The following REXO1 variants were observed in gnomAD, a reference collection of about 807,000 sequenced individuals.
The protein encoded by REXO1 is RNA exonuclease 1 homolog.
REXO1 carries 42 observed loss-of-function variants against 102.6 expected under a neutral mutation model. That is an observed-to-expected ratio of 0.41 (90% CI 0.32 to 0.53). The LOEUF is 0.53. Ranked by LOEUF, REXO1 falls within the 20% of genes least tolerant of loss-of-function variation. REXO1 has a pLI of 0.27. For missense variants in REXO1, 1,819 were observed against 1,732.5 expected (o/e 1.05, Z -0.89); for synonymous variants, 908 against 779.1 (o/e 1.17, Z -2.76).
intron 1 of REXO1, among the ~76,000 whole-genome samples, chr19:1,843,576 C>T (rs77413346): frequency 0.024 from 3,676 of 152,280 alleles, 68 homozygotes; most frequent in East Asian, 0.081. Flanking sequence ...GGCAGGCAGG[C>T]GGCCCCGGTG....
At chr19:1,817,011 C>T (rs1211747742) in intron 12 of REXO1, among the ~76,000 whole-genome samples, 198 bp from the exon 13 acceptor site, 1 of 152,190 alleles carries the variant, frequency 6.6e-6, no homozygotes, top group Non-Finnish European at 1.5e-5. Flanking sequence ...CATTCAGAGG[C>T]AGAGCCGGGG....
Position 1,826,038 on chromosome 19 carries a change from A to G in REXO1, c.1912-95T>C. On this transcript the variant is annotated intron_variant, in intron 2 of 15. Transcript: ENST00000170168. This position sits in a 1 kb window ranked among gnomAD's most constrained non-coding sequence, Gnocchi z 4.3. Reference sequence around the variant, plus strand: ...ACTGCCCCCGGCAAGTGGGGAATGGAACAGTCCAGCCCCCAGGCACAGCAG... The same window carrying G: ...ACTGCCCCCGGCAAGTGGGGAATGGGACAGTCCAGCCCCCAGGCACAGCAG... 1 of 858,672 alleles carries G rather than the reference A, an allele frequency of 1.2e-6. No individual in the cohort carries two copies. The highest frequency in any genetic ancestry group is 2.0e-6 in the Non-Finnish European group (1 of 512,246). The allele number at this position is 858,672 out of a possible 1,614,324, so 53.2% of individuals were successfully genotyped here. A position where few individuals can be genotyped will look rare whatever the true frequency, so the allele number is the denominator to read the frequency against.
Position 1,819,914 on chromosome 19 carries a change from GC to G in REXO1, c.2650+19del. 6.6e-7 allele frequency: 1 copy of G among 1,524,486 alleles called. No individual in the cohort carries two copies. Among genetic ancestry groups the G allele is most frequent in the Non-Finnish European group, 8.8e-7 (1 of 1,133,810 alleles). The allele number at this position is 1,524,486 out of a possible 1,614,324, so 94.4% of individuals were successfully genotyped here. A position where few individuals can be genotyped will look rare whatever the true frequency, so the allele number is the denominator to read the frequency against. ...CCAAGAGCAACCCTGAGCCTCCCCC[GC>G]CCACCCGCCAGGACTCACTGCTGAG... On this transcript the variant is annotated intron_variant, in intron 7 of 15. Coordinates refer to ENST00000170168, the MANE Select transcript of REXO1 (RefSeq NM_020695.4).
intron 1 of REXO1, among the ~76,000 whole-genome samples, chr19:1,842,599 G>A (rs371601344): frequency 6.6e-5 from 10 of 152,326 alleles, no homozygotes; most frequent in South Asian, 6.2e-4. Context: ...CTGCCCAGGC[G>A]CTCCGGAAGT....
At chr19:1,838,023 A>T (rs77827760) in intron 1 of REXO1, among the ~76,000 whole-genome samples, 2,096 of 152,244 alleles carry the variant, frequency 0.014, 53 homozygotes, top group African/African-American at 0.048. Flanking sequence ...CAATGTAGAA[A>T]CAGGCTGGGC....
rs1246053237 is a variant in REXO1, at chr19:1,826,758, A to G, written c.1911+120T>C. 2.0e-6 allele frequency: 3 copies of G among 1,465,734 alleles called. No individual in the cohort carries two copies. In the East Asian group the frequency reaches 7.5e-5, roughly 36 times the overall value. The allele number at this position is 1,465,734 out of a possible 1,614,324, so 90.8% of individuals were successfully genotyped here. A position where few individuals can be genotyped will look rare whatever the true frequency, so the allele number is the denominator to read the frequency against. ...TCAACGGGCTCAGGGACCAGCACTG[A>G]GGAGCTGCCTCCACCCCGTGCCTCC... On this transcript the variant is annotated intron_variant, in intron 2 of 15. Coordinates refer to ENST00000170168, the MANE Select transcript of REXO1 (RefSeq NM_020695.4). The surrounding 1 kb of genome is among the most constrained non-coding windows in gnomAD (Gnocchi z 4.3).
Position 1,823,779 on chromosome 19 carries a change from G to T in REXO1, c.2023C>A (p.Pro675Thr). 1.6e-6 allele frequency: 2 copies of T among 1,237,666 alleles called. No homozygotes were observed. The highest frequency in any genetic ancestry group is 2.0e-6 in the Non-Finnish European group (2 of 981,284). 76.7% of individuals were successfully genotyped at this position (1,237,666 alleles called of 1,614,324 possible). Residue 675 changes from proline (P) to threonine (T), a missense_variant, in exon 4 of 16, where the codon CCC (proline) becomes ACC (threonine). Transcript: ENST00000170168. ...HLSKQGQEVE[P>T]PRRGPAVPPA... ...GGCACCGCGGGACCCCTCCTCGGGG[G>T]CTCCACCTGCGTCACCACAAATGCT...
In REXO1 at chr19:1,821,522, T is replaced by C. The variant is rs2069540294; in HGVS notation, c.2391A>G (p.Leu797=). The change falls in exon 5 of 16, where the codon TTA becomes TTG. Residue 797 remains leucine (L), a synonymous_variant. Transcript: ENST00000170168. ...IPKRIAHSPS[L]QSLKKPIIPK... is the part of the protein sequence containing the mutation. ...TGGCCGAGATGGGAGGGGCTACCTGTAAGGATGGACTGTGGGCGATTCGCT... is the reference window on the plus strand; with the variant it reads ...TGGCCGAGATGGGAGGGGCTACCTGCAAGGATGGACTGTGGGCGATTCGCT... The C allele has an allele frequency of 6.2e-7, 1 of 1,613,376 alleles. No homozygotes were observed. Among genetic ancestry groups the C allele is most frequent in the Non-Finnish European group, 8.5e-7 (1 of 1,179,710 alleles).
rs537036664 is a variant in REXO1, at chr19:1,848,366, C to T, written c.-8G>A. On this transcript the variant is annotated 5_prime_UTR_variant, in exon 1 of 16. Transcript: ENST00000170168. ...GCCAGTGGAGCGTAGCATGGTCCGT[C>T]CCGCGGCGGGGCCCCGGCCCGGAGC... The T allele has an allele frequency of 8.3e-6, 10 of 1,211,108 alleles. No homozygotes were observed. In the South Asian group the frequency reaches 3.7e-4, roughly 45 times the overall value. The allele number at this position is 1,211,108 out of a possible 1,614,324, so 75.0% of individuals were successfully genotyped here.
chr19:1,826,937 G>A lies in REXO1; in HGVS notation c.1852C>T (p.Arg618Trp), dbSNP rs995676242. The change falls in exon 2 of 16, where the codon CGG becomes TGG. Residue 618 changes from arginine to tryptophan, a missense_variant. By Grantham distance (101) the Arg-to-Trp change is moderately radical. Transcript: ENST00000170168. The surrounding 1 kb of genome is among the most constrained non-coding windows in gnomAD (Gnocchi z 4.3). ...ACGCTGGTGGACTCGTTGAAGATCC[G>A]CAGGCACTCCTCCATGGGGTCGGAG... ...FDSDPMEECL[R>W]IFNESTSVKT... 16 of 1,583,296 alleles carry A rather than the reference G, an allele frequency of 1.0e-5. No individual in the cohort carries two copies. The highest frequency in any genetic ancestry group is 1.8e-5 in the Admixed American group (1 of 56,216).
In REXO1 at chr19:1,827,127, T is replaced by G. The variant is rs1040758224; in HGVS notation, c.1662A>C (p.Ser554=). The G allele has an allele frequency of 2.6e-6, 4 of 1,542,144 alleles. No homozygotes were observed. The highest frequency in any genetic ancestry group is 2.4e-5 in the East Asian group (1 of 40,856). The change falls in exon 2 of 16, where the codon TCA becomes TCC. Residue 554 remains serine (S), a synonymous_variant. Transcript: ENST00000170168. ...CCTCCGGGAAGCCCAGGCTGGAGTC[T>G]GAGTCGGAGTCTGAGTCCGAGCTGA... ...PSLSSDSDSD[S]DSSLGFPEAQ... is the part of the protein sequence containing the mutation.
intron 1 of REXO1, among the ~76,000 whole-genome samples, chr19:1,840,178 G>C (rs1036721775): frequency 2.6e-5 from 4 of 152,214 alleles, no homozygotes; most frequent in African/African-American, 9.6e-5. Context: ...CCACCTTCCT[G>C]GCCCTGCCCC....
chr19:1,818,404 A>G (rs1610105), intron 10 of REXO1, 78 bp downstream of exon 10: 838,782 of 1,103,064 alleles, frequency 0.76, 320,337 homozygotes, highest in African/African-American at 0.88. Context: ...GCCTTACCCC[A>G]GTTCTGGGGG....
At chr19:1,823,271 G>A (rs1011911755) in intron 4 of REXO1, 4 of 365,772 alleles carry the variant, frequency 1.1e-5, no homozygotes, top group Admixed American at 4.6e-5. Flanking sequence ...CCCCGACATG[G>A]CTCCCCATTC....
intron 1 of REXO1, among the ~76,000 whole-genome samples, chr19:1,832,289 G>A (rs2069927810): frequency 1.3e-5 from 2 of 152,236 alleles, no homozygotes; most frequent in African/African-American, 2.4e-5. Flanking sequence ...TGAGCCCAGC[G>A]AGGCTGACTT....
rs1239591902 is a variant in REXO1, at chr19:1,815,522, TGA to T, written c.*542_*543del. The T allele has an allele frequency of 6.0e-6, 2 of 332,262 alleles. No individual in the cohort carries two copies. The highest frequency in any genetic ancestry group is 9.8e-6 in the Non-Finnish European group (2 of 204,434). The allele number at this position is 332,262 out of a possible 1,614,324, so 20.6% of individuals were successfully genotyped here. On this transcript the variant is annotated 3_prime_UTR_variant, in exon 16 of 16. Coordinates refer to ENST00000170168, the MANE Select transcript of REXO1 (RefSeq NM_020695.4). The surrounding 1 kb of genome is among the most constrained non-coding windows in gnomAD (Gnocchi z 4.0). Reference sequence around the variant, plus strand: ...GAGGCGGGTCCAGCCCACACTGCGCTGAGTGTGGCCCTGGCCCCCACTGGGGT... The same window carrying T: ...GAGGCGGGTCCAGCCCACACTGCGCTGTGTGGCCCTGGCCCCCACTGGGGT...
At chr19:1,832,914 CAAAAA>C (rs71174388) in intron 1 of REXO1, among the ~76,000 whole-genome samples, 1 of 75,892 alleles carries the variant, frequency 1.3e-5, no homozygotes, top group Non-Finnish European at 2.6e-5. Context: ...GACTCTGTCT[CAAAAA>C]AAAAAAAAAA....
chr19:1,829,968 C>CG (rs1175021129), intron 1 of REXO1, among the ~76,000 whole-genome samples: 1 of 152,088 alleles, frequency 6.6e-6, no homozygotes, highest in African/African-American at 2.4e-5. Context: ...AATGTCTTCC[C>CG]GGGGGGCAGC....
chr19:1,828,489 A>G lies in REXO1; in HGVS notation c.300T>C (p.Ser100=), dbSNP rs1340250764. 1.2e-6 allele frequency: 2 copies of G among 1,605,696 alleles called. No individual in the cohort carries two copies. The highest frequency in any genetic ancestry group is 1.6e-4 in the Middle Eastern group (1 of 6,062). ...LVNQAIEAVR[S]EVELEQRRYR... ...AGCGCCGCTGCTCCAGCTCCACCTCACTGCGCACGGCCTCGATGGCCTGGT... is the reference window on the plus strand; with the variant it reads ...AGCGCCGCTGCTCCAGCTCCACCTCGCTGCGCACGGCCTCGATGGCCTGGT... The change falls in exon 2 of 16, where the codon AGT becomes AGC. Residue 100 remains serine (S), a synonymous_variant. Transcript: ENST00000170168.
Sources: gnomAD v4.1 joint callset for allele counts (sites outside exome capture counted in the v4.1 genomes callset) on GRCh38, gnomAD v4.1.1 for gene constraint, Gnocchi (gnomAD v3.1) non-coding constraint, MANE v1.5 for transcripts, NCBI Gene and HGNC (gene_info 2026-07-23, HGNC 2026-07-21) for gene names.